Variants in TBC1D4 observed in about 807,000 individuals in gnomAD.
TBC1D4 encodes TBC1 domain family member 4, also known as TBC (Tre-2, BUB2, CDC16) domain-containing protein.
TBC1D4 carries 121 observed loss-of-function variants against 142.5 expected under a neutral mutation model. The ratio of observed to expected loss-of-function variants is 0.85; its 90% CI spans 0.73 to 0.99. TBC1D4 has a LOEUF of 0.99. TBC1D4 is among the 50% of genes least tolerant of loss of function. TBC1D4 has a pLI of 0.00. For synonymous variants in TBC1D4, 630 were observed against 628.2 expected (o/e 1.00, Z -0.04); for missense variants, 1,475 against 1,606.6 (o/e 0.92, Z 1.40).
chr13:75,444,359 T>C (rs1489218562), intron 1 of TBC1D4, among the ~76,000 whole-genome samples: 2 of 152,156 alleles, frequency 1.3e-5, no homozygotes, highest in Admixed American at 6.6e-5. Context: ...ACTCCCAGCT[T>C]TGAGCGATCG....
At chr13:75,347,715 C>T (rs1881264662) in intron 5 of TBC1D4, among the ~76,000 whole-genome samples, 1 of 152,196 alleles carries the variant, frequency 6.6e-6, no homozygotes, top group Admixed American at 6.5e-5. Flanking sequence ...CACCCGTTGA[C>T]ACACAGATTT....
intron 1 of TBC1D4, among the ~76,000 whole-genome samples, chr13:75,453,316 T>C (rs957265492): frequency 1.3e-5 from 2 of 152,032 alleles, no homozygotes; most frequent in African/African-American, 4.8e-5. Context: ...CCAAAGGATA[T>C]CGAACAAGCA....
Position 75,323,792 on chromosome 13 carries a change from C to T in TBC1D4, c.2198+445G>A, listed in dbSNP as rs117565423. 1.0e-3 allele frequency among the ~76,000 whole-genome samples: 152 copies of T among 152,000 alleles called. 3 individuals are homozygous for T. The East Asian group carries it at 0.026, about 26-fold the overall frequency. On this transcript the variant is annotated intron_variant, in intron 11 of 20. Transcript: ENST00000377636. ...AAATGCCTAGGAAATATTCTATATACTTAAAAATAAAGACATTATTGTATC... is the reference window on the plus strand; with the variant it reads ...AAATGCCTAGGAAATATTCTATATATTTAAAAATAAAGACATTATTGTATC...
chr13:75,387,344 C>T (rs541817062), intron 1 of TBC1D4, among the ~76,000 whole-genome samples: 2 of 152,318 alleles, frequency 1.3e-5, no homozygotes, highest in East Asian at 3.9e-4. Context: ...TCTTTTGACA[C>T]TATCCACCAA....
In TBC1D4 at chr13:75,304,397, T is replaced by A. The variant is rs115031486; in HGVS notation, c.2752+1916A>T. ...ATGAATAAATCCATTCTCAGGAAAA[T>A]CATCTCATTCATTCATTCATCCATT... On this transcript the variant is annotated intron_variant, in intron 15 of 20. Transcript: ENST00000377636. Among the ~76,000 whole-genome samples, 883 of 152,306 alleles carry A rather than the reference T, an allele frequency of 5.8e-3. 10 individuals are homozygous for A. Among genetic ancestry groups the A allele is most frequent in the African/African-American group, 0.02 (843 of 41,570 alleles).
chr13:75,334,513 T>A (rs1593745423), intron 8 of TBC1D4, among the ~76,000 whole-genome samples: 1 of 152,164 alleles, frequency 6.6e-6, no homozygotes, highest in African/African-American at 2.4e-5. Context: ...TGATTTTATA[T>A]TGATACCTCC....
chr13:75,344,831 C>G (rs766586754), intron 5 of TBC1D4, among the ~76,000 whole-genome samples: 1 of 152,150 alleles, frequency 6.6e-6, no homozygotes, highest in Non-Finnish European at 1.5e-5. Context: ...AAGAATACTA[C>G]AATTCTGAAT....
At chr13:75,373,513 T>A (rs1167210866) in intron 1 of TBC1D4, among the ~76,000 whole-genome samples, 2 of 152,188 alleles carry the variant, frequency 1.3e-5, no homozygotes, top group Admixed American at 1.3e-4. Flanking sequence ...TGACCCGGAC[T>A]TGCACTTTTT....
chr13:75,293,515 T>G (rs1466921664), intron 18 of TBC1D4, among the ~76,000 whole-genome samples: 3 of 152,216 alleles, frequency 2.0e-5, no homozygotes, highest in Admixed American at 6.5e-5. Flanking sequence ...CATTTTGATT[T>G]GATACACTAT....
chr13:75,329,272 CTT>C, intron 8 of TBC1D4, among the ~76,000 whole-genome samples: 1 of 152,214 alleles, frequency 6.6e-6, no homozygotes, highest in East Asian at 1.9e-4. Flanking sequence ...CACCTCATAT[CTT>C]ATATATTTTG....
chr13:75,371,443 G>A (rs977415496), intron 1 of TBC1D4, among the ~76,000 whole-genome samples: 5 of 152,162 alleles, frequency 3.3e-5, no homozygotes, highest in Admixed American at 2.0e-4. Flanking sequence ...GAATAGAAAG[G>A]CACAGGTGCA....
In TBC1D4 at chr13:75,296,119, C is replaced by T. The variant is rs556258264; in HGVS notation, c.3157-1106G>A. Among the ~76,000 whole-genome samples, 8 of 151,930 alleles carry T rather than the reference C, an allele frequency of 5.3e-5. No individual in the cohort carries two copies. In the East Asian group the frequency reaches 5.8e-4, roughly 11 times the overall value. ...CCACAACAAATATCTTTAGAAACTCCGTTTCCACACAAACTGTAAATAAAA... is the reference window on the plus strand; with the variant it reads ...CCACAACAAATATCTTTAGAAACTCTGTTTCCACACAAACTGTAAATAAAA... On this transcript the variant is annotated intron_variant, in intron 17 of 20. Coordinates refer to ENST00000377636, the MANE Select transcript of TBC1D4 (RefSeq NM_014832.5).
At chr13:75,315,351 A>AATAC in intron 12 of TBC1D4, among the ~76,000 whole-genome samples, 1 of 142,334 alleles carries the variant, frequency 7.0e-6, no homozygotes, top group Admixed American at 7.1e-5. Context: ...CTGAATATTG[A>AATAC]ATATATATAT....
chr13:75,481,743 C>A lies in TBC1D4; in HGVS notation c.25G>T (p.Asp9Tyr). 1 of 1,592,348 alleles carries A rather than the reference C, an allele frequency of 6.3e-7. No individual in the cohort carries two copies. The highest frequency in any genetic ancestry group is 8.5e-7 in the Non-Finnish European group (1 of 1,172,596). Residue 9 changes from aspartate (D) to tyrosine (Y), a missense_variant, in exon 1 of 21, where the codon GAT becomes TAT. Transcript: ENST00000377636. The stretch of plus-strand genomic sequence containing the variant: ...TCCAGGGGGTGCGGGAACGGCTCAT[C>A]CTGAATGCAGCTGGGCGGCTCCATA... MEPPSCIQ[D>Y]EPFPHPLEPE... is the part of the protein sequence containing the mutation.
At chr13:75,408,656 C>T (rs2138383549) in intron 1 of TBC1D4, among the ~76,000 whole-genome samples, 1 of 152,246 alleles carries the variant, frequency 6.6e-6, no homozygotes, top group South Asian at 2.1e-4. Context: ...AGACATTTAC[C>T]AAAGTGGCTG....
intron 1 of TBC1D4, among the ~76,000 whole-genome samples, chr13:75,371,561 C>G: frequency 6.6e-6 from 1 of 152,154 alleles, no homozygotes. Context: ...GAAGATCTAA[C>G]AGAATATTAA....
chr13:75,345,737 CAAAA>C (rs112998838), intron 5 of TBC1D4, among the ~76,000 whole-genome samples: 5 of 119,448 alleles, frequency 4.2e-5, no homozygotes, highest in South Asian at 2.6e-4. Flanking sequence ...TAAGAAAATA[CAAAA>C]AAAAAAAAAA....
chr13:75,481,086 G>A (rs974842326), intron 1 of TBC1D4, among the ~76,000 whole-genome samples, 184 bp downstream of exon 1: 3 of 152,140 alleles, frequency 2.0e-5, no homozygotes, highest in Non-Finnish European at 2.9e-5. Context: ...GCCCCCGAAC[G>A]CCTTCTCTCC....
chr13:75,316,118 A>G (rs769548967), intron 12 of TBC1D4, among the ~76,000 whole-genome samples: 19 of 152,206 alleles, frequency 1.2e-4, no homozygotes, highest in Non-Finnish European at 2.8e-4. Context: ...AAATGTTTAT[A>G]TTTTAATGCT....
Sources: allele counts gnomAD v4.1 joint callset (sites outside exome capture counted in the v4.1 genomes callset), GRCh38; gene constraint gnomAD v4.1.1; transcripts MANE v1.5; gene names NCBI Gene and HGNC (gene_info 2026-07-23, HGNC 2026-07-21).